Variants in COA1 observed in about 807,000 individuals in gnomAD.
COA1 encodes the protein cytochrome c oxidase assembly factor 1, also known as cytochrome c oxidase assembly factor 1 homolog.
COA1 carries 13 observed loss-of-function variants against 16.0 expected under a neutral mutation model. The observed-to-expected ratio is 0.81, with a 90% CI of 0.53 to 1.29. The LOEUF is 1.29. Among genes scored for constraint, COA1 ranks in the 50% most tolerant of loss-of-function variants. The pLI, the probability that COA1 is intolerant of heterozygous loss-of-function variation, is 0.00. For missense variants in COA1, 179 were observed against 177.0 expected, an observed-to-expected ratio of 1.01 and a Z score of -0.06; for synonymous variants, 65 against 65.7, an observed-to-expected ratio of 0.99 and a Z score of 0.05.
chr7:43,683,433 C>G (rs1170201439), intron 1 of COA1, among the ~76,000 whole-genome samples: 1 of 151,994 alleles, frequency 6.6e-6, no homozygotes, highest in African/African-American at 2.4e-5. Flanking sequence ...GAGATCAAGA[C>G]CATCCTGGCT....
At chr7:43,694,020 C>T (rs934226558) in intron 1 of COA1, among the ~76,000 whole-genome samples, 1 of 151,440 alleles carries the variant, frequency 6.6e-6, no homozygotes, top group African/African-American at 2.4e-5. Context: ...TCCTAATTCA[C>T]TAAGAAAACC....
chr7:43,661,703 C>G lies in COA1; in HGVS notation c.-38-13051G>C, dbSNP rs546581728. Among the ~76,000 whole-genome samples, 6 of 151,664 alleles carry G rather than the reference C, an allele frequency of 4.0e-5. No individual in the cohort carries two copies. The South Asian group carries it at 1.2e-3, about 32-fold the overall frequency. On this transcript the variant is annotated intron_variant, in intron 1 of 5. Coordinates refer to ENST00000223336, the MANE Select transcript of COA1 (RefSeq NM_018224.4). ...TTTCCTAGATCACAATCCAGGGTTT[C>G]TATCTAACTTCAATCACTCTTGGAG...
intron 6 of COA1, among the ~76,000 whole-genome samples, chr7:43,610,564 G>T (rs1249972145): frequency 6.6e-6 from 1 of 151,900 alleles, no homozygotes; most frequent in African/African-American, 2.4e-5. Context: ...CTACTCCAGA[G>T]GCTGAGGGGG....
At position 43,691,361 on chromosome 7, in the gene COA1, GAGGGAGGGAGGGAGGGAGGAAGGA is replaced by G. The variant is rs1265351135; in HGVS notation, c.-39+38044_-39+38067del. Among the ~76,000 whole-genome samples, 265 of 65,864 alleles carry G rather than the reference GAGGGAGGGAGGGAGGGAGGAAGGA, an allele frequency of 4.0e-3. 4 individuals are homozygous for G. The highest frequency in any genetic ancestry group is 5.0e-3 in the Admixed American group (32 of 6,356). The allele number at this position is 65,864 out of a possible 152,430, so 43.2% of individuals were successfully genotyped here. A position where few individuals can be genotyped will look rare whatever the true frequency, so the allele number is the denominator to read the frequency against. On this transcript the variant is annotated intron_variant, in intron 1 of 5. Coordinates refer to ENST00000223336, the MANE Select transcript of COA1 (RefSeq NM_018224.4). Reference sequence around the variant, plus strand: ...AGAGAGAGGGAGGGAGGGAGGGAGGGAGGGAGGGAGGGAGGGAGGAAGGAAGGAAGGAAGGAAGGAAGGAAGGAA... The same window carrying G: ...AGAGAGAGGGAGGGAGGGAGGGAGGGAGGAAGGAAGGAAGGAAGGAAGGAA...
At chr7:43,635,273 A>G (rs1407091110), downstream of COA1, among the ~76,000 whole-genome samples, 1 of 152,248 alleles carries the variant, frequency 6.6e-6, no homozygotes, top group African/African-American at 2.4e-5. Flanking sequence ...AAATAATTCC[A>G]GGATTTCCCG....
chr7:43,712,602 T>C (rs948700722), intron 1 of COA1, among the ~76,000 whole-genome samples: 1 of 152,230 alleles, frequency 6.6e-6, no homozygotes, highest in African/African-American at 2.4e-5. Context: ...GGTATATTTA[T>C]TAGACTGAAC....
chr7:43,726,613 G>A (rs149208945), intron 1 of COA1, among the ~76,000 whole-genome samples: 4 of 152,080 alleles, frequency 2.6e-5, no homozygotes, highest in South Asian at 2.1e-4. Context: ...TGCTCCTCAC[G>A]GGTTCTTTCA....
chr7:43,722,370 C>G (rs1293938640), intron 1 of COA1, among the ~76,000 whole-genome samples: 1 of 152,142 alleles, frequency 6.6e-6, no homozygotes, highest in Non-Finnish European at 1.5e-5. Flanking sequence ...GCTGGGATTA[C>G]AGGCATGAGC....
At chr7:43,656,060 T>C (rs2091662864) in intron 1 of COA1, 1 of 152,212 alleles carries the variant, frequency 6.6e-6, no homozygotes, top group Non-Finnish European at 1.5e-5. Flanking sequence ...GAATGAGCTG[T>C]CATGGACATT....
intron 1 of COA1, among the ~76,000 whole-genome samples, chr7:43,689,475 C>T (rs2094178992): frequency 6.6e-6 from 1 of 152,072 alleles, no homozygotes; most frequent in African/African-American, 2.4e-5. Flanking sequence ...GAATGTTTGG[C>T]TAGAATTTTT....
chr7:43,625,693 G>T (rs1341861265), intron 6 of COA1: 1 of 151,836 alleles, frequency 6.6e-6, no homozygotes, highest in African/African-American at 2.4e-5. Context: ...TGGTTACCTT[G>T]GTCAGTGAAA....
At chr7:43,710,759 C>T (rs901129429) in intron 1 of COA1, among the ~76,000 whole-genome samples, 1 of 152,154 alleles carries the variant, frequency 6.6e-6, no homozygotes, top group African/African-American at 2.4e-5. Flanking sequence ...AAATAAATTA[C>T]TGGATATCAG....
At chr7:43,680,168 G>T (rs1352695175) in intron 1 of COA1, among the ~76,000 whole-genome samples, 1 of 151,372 alleles carries the variant, frequency 6.6e-6, no homozygotes. Flanking sequence ...CCTTGATAAG[G>T]ATATTTATAC....
chr7:43,610,894 A>G (rs2082811495), intron 6 of COA1, among the ~76,000 whole-genome samples: 1 of 152,178 alleles, frequency 6.6e-6, no homozygotes, highest in Non-Finnish European at 1.5e-5. Context: ...AGGAGGGCAG[A>G]TCGCTTGAGG....
In COA1 at chr7:43,610,832, A is replaced by G. The variant is rs1272490857; in HGVS notation, c.*134-1337T>C. 3.3e-5 allele frequency among the ~76,000 whole-genome samples: 5 copies of G among 150,658 alleles called. No individual in the cohort carries two copies. The East Asian group carries it at 1.0e-3, about 30-fold the overall frequency. ...AAGGCGCACTCTCAAGAAGGAGTGT[A>G]CAGGCTGGGCGCAGTGGCTCATGCC... On this transcript the variant is annotated intron_variant and NMD_transcript_variant, in intron 6 of 6. Transcript: ENST00000415076.
intron 1 of COA1, among the ~76,000 whole-genome samples, chr7:43,684,323 C>G (rs78140273): frequency 8.9e-4 from 136 of 152,254 alleles, no homozygotes; most frequent in African/African-American, 3.1e-3. Flanking sequence ...TGCTGTGCGG[C>G]CGGGAGTGGG....
chr7:43,649,220 T>A (rs2090249580), intron 1 of COA1: 1 of 152,324 alleles, frequency 6.6e-6, no homozygotes, highest in Non-Finnish European at 1.5e-5. Context: ...ATCACGCTCA[T>A]TTTGCAGATG....
chr7:43,700,275 CTGT>C (rs34754424), intron 1 of COA1, among the ~76,000 whole-genome samples: 22,109 of 151,920 alleles, frequency 0.15, 2,156 homozygotes, highest in Non-Finnish European at 0.21. Context: ...CTTTTGATAG[CTGT>C]TGAATACAGA....
At chr7:43,629,389 T>C (rs2084947259) in intron 6 of COA1, among the ~76,000 whole-genome samples, 1 of 152,252 alleles carries the variant, frequency 6.6e-6, no homozygotes, top group Non-Finnish European at 1.5e-5. Context: ...ATAAGTCAAG[T>C]AGTCATCCAA....
Sources: gnomAD v4.1 joint callset for allele counts (sites outside exome capture counted in the v4.1 genomes callset) on GRCh38, gnomAD v4.1.1 for gene constraint, MANE v1.5 for transcripts, NCBI Gene and HGNC (gene_info 2026-07-23, HGNC 2026-07-21) for gene names.